The following FUBP3 variants were observed in gnomAD, a reference collection of about 807,000 sequenced individuals.
The protein encoded by FUBP3 is far upstream element binding protein 3.
Under a neutral mutation model 85.6 loss-of-function variants are expected in FUBP3, and 28 were observed. The ratio of observed to expected loss-of-function variants is 0.33; its 90% CI spans 0.24 to 0.45. The LOEUF is 0.45. Ranked by LOEUF, FUBP3 falls within the 20% of genes least tolerant of loss-of-function variation. The pLI, the probability that FUBP3 is intolerant of heterozygous loss-of-function variation, is 1.00. For synonymous variants in FUBP3, 271 were observed against 271.4 expected (o/e 1.00, Z 0.01); for missense variants, 583 against 755.1 (o/e 0.77, Z 2.67).
At chr9:130,595,122 A>G (rs1048023228) in intron 1 of FUBP3, among the ~76,000 whole-genome samples, 2 of 151,646 alleles carry the variant, frequency 1.3e-5, no homozygotes, top group African/African-American at 2.4e-5. Context: ...GCTACTTGGG[A>G]AGTCGAGACA....
At chr9:130,613,649 C>T (rs2119074674) in intron 5 of FUBP3, among the ~76,000 whole-genome samples, 1 of 152,254 alleles carries the variant, frequency 6.6e-6, no homozygotes, top group African/African-American at 2.4e-5. Context: ...AGAAAAATGT[C>T]CTTTTAAAAG....
intron 1 of FUBP3, among the ~76,000 whole-genome samples, chr9:130,590,270 A>G (rs901275944): frequency 1.3e-5 from 2 of 152,170 alleles, no homozygotes; most frequent in African/African-American, 4.8e-5. Context: ...TGCATTTTAC[A>G]GGTGAAGACA....
At chr9:130,595,791 C>T (rs909594903) in intron 2 of FUBP3, among the ~76,000 whole-genome samples, 2 of 152,162 alleles carry the variant, frequency 1.3e-5, no homozygotes, top group Non-Finnish European at 2.9e-5. Flanking sequence ...GAAATCTTTT[C>T]GCTGGGCTCT....
chr9:130,590,220 T>A (rs889034686), intron 1 of FUBP3, among the ~76,000 whole-genome samples: 4 of 152,126 alleles, frequency 2.6e-5, no homozygotes, highest in Non-Finnish European at 4.4e-5. Context: ...AAGATCACCT[T>A]GTGCATTTTT....
At chr9:130,596,661 A>T in intron 2 of FUBP3, 1 of 453,166 alleles carries the variant, frequency 2.2e-6, no homozygotes. Flanking sequence ...CATGCCTCCT[A>T]GTACGTTTTT....
intron 1 of FUBP3, among the ~76,000 whole-genome samples, chr9:130,594,389 C>G (rs1588122048): frequency 6.6e-6 from 1 of 152,008 alleles, no homozygotes; most frequent in Non-Finnish European, 1.5e-5. Context: ...TCGAGACCAG[C>G]CTGGCCAACG....
chr9:130,616,598 C>A lies in FUBP3; in HGVS notation c.567+81C>A. ...CCTGGCCCAGGAGATCTGCTTACGG[C>A]TGGCATTCCCTGGCTGGGCTGGCTT... On this transcript the variant is annotated intron_variant, in intron 7 of 18. Transcript: ENST00000319725. This position sits in a 1 kb window ranked among gnomAD's most constrained non-coding sequence, Gnocchi z 4.7. The A allele has an allele frequency of 1.5e-6, 2 of 1,297,562 alleles. No individual in the cohort carries two copies. 80.4% of individuals were successfully genotyped at this position (1,297,562 alleles called of 1,614,324 possible).
At chr9:130,589,705 A>ATATTTTTTTTTTTTT (rs1414691549) in intron 1 of FUBP3, among the ~76,000 whole-genome samples, 1 of 73,858 alleles carries the variant, frequency 1.4e-5, no homozygotes, top group Non-Finnish European at 2.3e-5. Flanking sequence ...ATATATATAT[A>ATATTTTTTTTTTTTT]TTTTTTTTTT....
chr9:130,632,067 G>A lies in FUBP3; in HGVS notation c.1433+45G>A, dbSNP rs377361537. 6.6e-6 allele frequency: 10 copies of A among 1,508,758 alleles called. No homozygotes were observed. In the South Asian group the frequency reaches 1.0e-4, roughly 15 times the overall value. The allele number at this position is 1,508,758 out of a possible 1,614,324, so 93.5% of individuals were successfully genotyped here. On this transcript the variant is annotated intron_variant, in intron 15 of 18. Coordinates refer to ENST00000319725, the MANE Select transcript of FUBP3 (RefSeq NM_003934.2). ...TCAGTTGGGGACAGACGGCACTAAG[G>A]TGGTCACTTGGCTATTGCCGACAGG... is the stretch of plus-strand genomic sequence containing the variant.
At chr9:130,621,289 G>A (rs1829736106) in intron 9 of FUBP3, among the ~76,000 whole-genome samples, 1 of 151,756 alleles carries the variant, frequency 6.6e-6, no homozygotes, top group Non-Finnish European at 1.5e-5. Context: ...ATTGAGATCT[G>A]TCTGGGCAAT....
intron 2 of FUBP3, among the ~76,000 whole-genome samples, chr9:130,603,355 A>AAAAC (rs1564200733): frequency 9.2e-6 from 1 of 108,614 alleles, no homozygotes. Flanking sequence ...TCCAAAAAAA[A>AAAAC]AAAAAAAAAA....
intron 16 of FUBP3, 24 bp from the exon 17 acceptor site, chr9:130,634,643 A>G (rs1830348585): frequency 2.5e-6 from 4 of 1,607,718 alleles, no homozygotes; most frequent in Non-Finnish European, 3.4e-6. Flanking sequence ...GTAAGGCCTG[A>G]CTGCTTTTGT....
At position 130,621,301 on chromosome 9, in the gene FUBP3, T is replaced by C. The variant is rs982611847; in HGVS notation, c.771+843T>C. ...GAGATTGAGATCTGTCTGGGCAATA[T>C]AGCCAGACACCACCTCTACCAAAAC... On this transcript the variant is annotated intron_variant, in intron 9 of 18. Coordinates refer to ENST00000319725, the MANE Select transcript of FUBP3 (RefSeq NM_003934.2). Among the ~76,000 whole-genome samples the C allele has an allele frequency of 2.0e-5, 3 of 151,746 alleles. No homozygotes were observed. The East Asian group carries it at 5.9e-4, about 30-fold the overall frequency.
intron 2 of FUBP3, among the ~76,000 whole-genome samples, chr9:130,599,248 C>T (rs955273045): frequency 6.6e-6 from 1 of 151,660 alleles, no homozygotes; most frequent in African/African-American, 2.4e-5. Context: ...GCCAAGATCG[C>T]ACCACTGCAC....
At chr9:130,585,816 T>G (rs1341087452) in intron 1 of FUBP3, among the ~76,000 whole-genome samples, 1 of 152,214 alleles carries the variant, frequency 6.6e-6, no homozygotes, top group African/African-American at 2.4e-5. Context: ...TCCATCTAAC[T>G]GGATCTGGAA....
chr9:130,606,375 T>C (rs1028242947), intron 2 of FUBP3, among the ~76,000 whole-genome samples: 4 of 151,980 alleles, frequency 2.6e-5, no homozygotes, highest in African/African-American at 9.7e-5. Context: ...AAAACTGGTA[T>C]TCCTCTCTCC....
chr9:130,634,480 C>G (rs549908975), intron 16 of FUBP3, 187 bp from the exon 17 acceptor site: 1 of 588,240 alleles, frequency 1.7e-6, no homozygotes, highest in South Asian at 2.1e-5. Flanking sequence ...CCCACCCTTA[C>G]AGTGATCTTA....
intron 6 of FUBP3, among the ~76,000 whole-genome samples, chr9:130,615,934 C>T (rs1355908148): frequency 1.3e-5 from 2 of 152,194 alleles, no homozygotes; most frequent in Non-Finnish European, 2.9e-5. Flanking sequence ...GGCTCTCTCT[C>T]CTGCCTGCAT....
intron 8 of FUBP3, among the ~76,000 whole-genome samples, chr9:130,619,207 G>A (rs2119089512): frequency 6.6e-6 from 1 of 151,902 alleles, no homozygotes; most frequent in East Asian, 1.9e-4. Flanking sequence ...AAAACCCCAA[G>A]CAAAGAATAT....
Sources: allele counts gnomAD v4.1 joint callset (sites outside exome capture counted in the v4.1 genomes callset), GRCh38; gene constraint gnomAD v4.1.1; non-coding constraint Gnocchi (gnomAD v3.1); transcripts MANE v1.5; gene names NCBI Gene and HGNC (gene_info 2026-07-23, HGNC 2026-07-21).